DOCK4: variants seen among roughly 807,000 people sequenced by gnomAD.
DOCK4 encodes dedicator of cytokinesis 4.
DOCK4 carries 97 observed loss-of-function variants against 268.1 expected under a neutral mutation model. That is an observed-to-expected ratio of 0.36 (90% confidence interval 0.31 to 0.43). DOCK4 has a LOEUF of 0.43. Among genes scored for constraint, DOCK4 ranks in the 20% least tolerant of loss-of-function variants. The probability of loss-of-function intolerance (pLI) is 1.00; values close to 1 mark genes in which losing one functional copy is unlikely to be tolerated. For synonymous variants in DOCK4, 954 were observed against 887.2 expected, an observed-to-expected ratio of 1.08 and a Z score of -1.34; for missense variants, 2,145 against 2,455.7, an observed-to-expected ratio of 0.87 and a Z score of 2.67.
chr7:111,732,412 G>C, intron 51 of DOCK4, 125 bp from the exon 52 acceptor site: 1 of 921,652 alleles, frequency 1.1e-6, no homozygotes, highest in Non-Finnish European at 1.7e-6. Flanking sequence ...TAAGCAAAGG[G>C]GGTGGTGAGG....
chr7:112,069,521 C>T (rs1223036982), intron 1 of DOCK4, among the ~76,000 whole-genome samples: 1 of 152,208 alleles, frequency 6.6e-6, no homozygotes, highest in African/African-American at 2.4e-5. Context: ...TTCCTTACCT[C>T]TAAGACAAAG....
intron 1 of DOCK4, among the ~76,000 whole-genome samples, chr7:112,098,259 ACCTCCG>A (rs1201580667): frequency 6.6e-6 from 1 of 151,874 alleles, no homozygotes; most frequent in Non-Finnish European, 1.5e-5. Flanking sequence ...GTTCACTGCA[ACCTCCG>A]CCTCCTGAGT....
chr7:112,146,956 C>T (rs1815569027), intron 1 of DOCK4, among the ~76,000 whole-genome samples: 1 of 152,044 alleles, frequency 6.6e-6, no homozygotes, highest in Non-Finnish European at 1.5e-5. Context: ...AGAGAAGACA[C>T]TTTCTTAAAA....
chr7:111,978,472 T>C (rs967830138), intron 7 of DOCK4, among the ~76,000 whole-genome samples: 18 of 152,182 alleles, frequency 1.2e-4, no homozygotes, highest in Non-Finnish European at 1.5e-4. Context: ...ACTCAAGTGA[T>C]CCTCCTGCCT....
intron 1 of DOCK4, among the ~76,000 whole-genome samples, chr7:112,162,555 C>G (rs539618145): frequency 3.3e-5 from 5 of 151,700 alleles, no homozygotes; most frequent in Admixed American, 3.3e-4. Context: ...TCCCTGCCAC[C>G]CACACACCCC....
intron 1 of DOCK4, among the ~76,000 whole-genome samples, chr7:112,021,132 C>T (rs368049004): frequency 1.3e-5 from 2 of 152,154 alleles, no homozygotes; most frequent in East Asian, 3.9e-4. Context: ...TTTTTCTCTT[C>T]TAAACTATTT....
chr7:112,099,935 T>TA (rs1810520915), intron 1 of DOCK4, among the ~76,000 whole-genome samples: 1 of 152,220 alleles, frequency 6.6e-6, no homozygotes, highest in Admixed American at 6.5e-5. Flanking sequence ...TTACACAAAT[T>TA]AAACACTGAT....
At chr7:111,742,340 G>C (rs1184557715) in intron 44 of DOCK4, among the ~76,000 whole-genome samples, 1 of 152,198 alleles carries the variant, frequency 6.6e-6, no homozygotes, top group Non-Finnish European at 1.5e-5. Flanking sequence ...ATGGGGATTA[G>C]AACTTGGTTC....
Position 111,895,623 on chromosome 7 carries a change from T to C in DOCK4, c.1576A>G (p.Ile526Val), listed in dbSNP as rs777833107. Residue 526 changes from isoleucine (I) to valine (V), a missense_variant, in exon 16 of 53, where the codon ATC becomes GTC. Physicochemically the swap from Ile to Val is conservative, Grantham distance 29. Coordinates refer to ENST00000428084, the MANE Select transcript of DOCK4 (RefSeq NM_001363540.2). ...CTGACTGATGTTACCTTATGCACGA[T>C]GAGCTCATGAGTGCCATCTGGAAGA... ...RTLPDGTHELIVHKCEENTNL... is the reference protein window; with the variant it reads ...RTLPDGTHELVVHKCEENTNL... 1.2e-6 allele frequency: 2 copies of C among 1,611,736 alleles called. No homozygotes were observed.
intron 36 of DOCK4, among the ~76,000 whole-genome samples, chr7:111,772,922 G>A (rs1266424280): frequency 1.3e-5 from 2 of 152,192 alleles, no homozygotes; most frequent in Admixed American, 6.5e-5. Flanking sequence ...TGTGGGTCAG[G>A]TGCCCCTGGG....
chr7:112,071,778 G>C (rs1011269487), intron 1 of DOCK4, among the ~76,000 whole-genome samples: 4 of 152,180 alleles, frequency 2.6e-5, no homozygotes, highest in African/African-American at 9.7e-5. Context: ...TAAAAGTACA[G>C]TAGCTTTAGA....
chr7:112,174,887 T>C (rs1424861913), intron 1 of DOCK4, among the ~76,000 whole-genome samples: 1 of 152,110 alleles, frequency 6.6e-6, no homozygotes, highest in Non-Finnish European at 1.5e-5. Context: ...TTGTTTTGTT[T>C]TGTTTTTGCA....
chr7:112,150,263 T>C (rs1045755130), intron 1 of DOCK4, among the ~76,000 whole-genome samples: 2 of 152,102 alleles, frequency 1.3e-5, no homozygotes, highest in African/African-American at 4.8e-5. Flanking sequence ...CACTGGTAAA[T>C]GTATACTGTC....
chr7:112,146,159 C>T (rs1166765769), intron 1 of DOCK4, among the ~76,000 whole-genome samples: 4 of 152,182 alleles, frequency 2.6e-5, no homozygotes, highest in Non-Finnish European at 5.9e-5. Flanking sequence ...TACAGAGGAA[C>T]TCACCTTTGA....
chr7:112,012,692 A>G (rs1338953458), intron 1 of DOCK4, among the ~76,000 whole-genome samples: 1 of 152,206 alleles, frequency 6.6e-6, no homozygotes, highest in African/African-American at 2.4e-5. Context: ...CCTTTTTCCA[A>G]TGAGAGATGG....
chr7:111,997,203 G>A (rs1800037910), intron 4 of DOCK4, among the ~76,000 whole-genome samples: 1 of 152,200 alleles, frequency 6.6e-6, no homozygotes, highest in Non-Finnish European at 1.5e-5. Flanking sequence ...TAGCTGGGTA[G>A]GAAAGTTTCA....
intron 13 of DOCK4, among the ~76,000 whole-genome samples, chr7:111,904,384 C>T (rs945071237): frequency 3.3e-5 from 5 of 151,498 alleles, no homozygotes; most frequent in Non-Finnish European, 5.9e-5. Context: ...GTATGCTGAG[C>T]GATAATAGGC....
chr7:112,108,370 A>G (rs1811322270), intron 1 of DOCK4, among the ~76,000 whole-genome samples: 1 of 152,232 alleles, frequency 6.6e-6, no homozygotes, highest in African/African-American at 2.4e-5. Context: ...TGACTGATCT[A>G]AACAAAGCCC....
intron 13 of DOCK4, among the ~76,000 whole-genome samples, chr7:111,911,865 T>G (rs779957937): frequency 1.3e-5 from 2 of 152,186 alleles, no homozygotes; most frequent in Non-Finnish European, 2.9e-5. Context: ...TGGGATGAAT[T>G]TTTTTTGTTG....
Sources: allele counts gnomAD v4.1 joint callset (sites outside exome capture counted in the v4.1 genomes callset), GRCh38; gene constraint gnomAD v4.1.1; transcripts MANE v1.5; gene names NCBI Gene and HGNC (gene_info 2026-07-23, HGNC 2026-07-21).